TNIK: variants seen among roughly 807,000 people sequenced by gnomAD.
TNIK encodes the protein TRAF2 and NCK-interacting protein kinase.
Under a neutral mutation model 191.3 loss-of-function variants are expected in TNIK, and 49 were observed. The observed-to-expected ratio is 0.26, with a 90% CI of 0.20 to 0.32. TNIK has a LOEUF of 0.32. TNIK is among the 10% of genes least tolerant of loss of function. The probability of loss-of-function intolerance (pLI) is 1.00; values close to 1 mark genes in which losing one functional copy is unlikely to be tolerated. For synonymous variants in TNIK, 594 were observed against 600.9 expected (o/e 0.99, Z 0.17); for missense variants, 1,155 against 1,702.3 (o/e 0.68, Z 5.66).
chr3:171,275,190 A>G (rs1560356902), intron 2 of TNIK, among the ~76,000 whole-genome samples: 1 of 152,220 alleles, frequency 6.6e-6, no homozygotes, highest in African/African-American at 2.4e-5. Flanking sequence ...TCAGAGAAAA[A>G]GCACATTCAG....
At chr3:171,125,223 A>C (rs538668489) in intron 17 of TNIK, among the ~76,000 whole-genome samples, 18 of 152,220 alleles carry the variant, frequency 1.2e-4, no homozygotes, top group Non-Finnish European at 2.2e-4. Flanking sequence ...AGTATTTTGA[A>C]ATACTTCCAG....
rs148233540 is a variant in TNIK at position 171,304,140 on chromosome 3, A to C, written c.123+65480T>G. On this transcript the variant is annotated intron_variant, in intron 2 of 32. Coordinates refer to ENST00000436636, the MANE Select transcript of TNIK (RefSeq NM_015028.4). The stretch of plus-strand genomic sequence containing the variant: ...TACATATGGATGTCTGCAGGGAAAC[A>C]AGGTGGCCACAGTCAGATGAGAGTT... 1.7e-4 allele frequency among the ~76,000 whole-genome samples: 26 copies of C among 152,270 alleles called. No homozygotes were observed. The East Asian group carries it at 3.7e-3, about 21-fold the overall frequency.
At chr3:171,301,293 T>C (rs1265010916) in intron 2 of TNIK, among the ~76,000 whole-genome samples, 2 of 151,320 alleles carry the variant, frequency 1.3e-5, no homozygotes, top group East Asian at 1.9e-4. Flanking sequence ...TGTAGAACAC[T>C]GTATCAAACA....
At chr3:171,446,878 T>C (rs1727562109) in intron 1 of TNIK, among the ~76,000 whole-genome samples, 1 of 152,170 alleles carries the variant, frequency 6.6e-6, no homozygotes, top group Admixed American at 6.5e-5. Flanking sequence ...TGGATAATTT[T>C]CCAGAAAGAA....
chr3:171,214,268 C>T (rs1741198765), intron 3 of TNIK, among the ~76,000 whole-genome samples: 1 of 151,580 alleles, frequency 6.6e-6, no homozygotes, highest in South Asian at 2.1e-4. Flanking sequence ...AGAGTTCAGC[C>T]TCTCACAATA....
intron 2 of TNIK, among the ~76,000 whole-genome samples, chr3:171,256,794 G>A (rs555988609): frequency 6.6e-4 from 101 of 152,210 alleles, no homozygotes; most frequent in Middle Eastern, 3.4e-3. Flanking sequence ...TTTGAGGCCA[G>A]GGATCAAAAT....
chr3:171,420,860 A>G (rs970796406), intron 1 of TNIK, among the ~76,000 whole-genome samples: 1 of 152,230 alleles, frequency 6.6e-6, no homozygotes, highest in African/African-American at 2.4e-5. Context: ...GTGTGGATAC[A>G]CTAGACAAGG....
chr3:171,068,704 G>T, intron 30 of TNIK, 144 bp downstream of exon 30: 1 of 642,478 alleles, frequency 1.6e-6, no homozygotes, highest in Non-Finnish European at 2.3e-6. Flanking sequence ...GTTATTAAAA[G>T]CAGTATACTT....
intron 2 of TNIK, among the ~76,000 whole-genome samples, chr3:171,258,523 C>G (rs751646788): frequency 5.9e-5 from 9 of 152,168 alleles, no homozygotes; most frequent in Non-Finnish European, 8.8e-5. Flanking sequence ...CCAACAGGCT[C>G]TCCTCACAAC....
chr3:171,446,965 C>A (rs1037424280), intron 1 of TNIK, among the ~76,000 whole-genome samples: 1 of 152,058 alleles, frequency 6.6e-6, no homozygotes, highest in Admixed American at 6.5e-5. Context: ...CTGAGGCGGG[C>A]GGATCACCTG....
At chr3:171,267,598 TC>T (rs1381020213) in intron 2 of TNIK, among the ~76,000 whole-genome samples, 2 of 152,216 alleles carry the variant, frequency 1.3e-5, no homozygotes, top group Non-Finnish European at 2.9e-5. Flanking sequence ...TCTTTCTGAT[TC>T]CAGAGACTAA....
chr3:171,132,115 C>T (rs1464235680), intron 15 of TNIK, among the ~76,000 whole-genome samples: 1 of 152,148 alleles, frequency 6.6e-6, no homozygotes, highest in Non-Finnish European at 1.5e-5. Context: ...TCCAAGAAGA[C>T]ATAAAATGCC....
At chr3:171,297,274 C>T (rs1260730197) in intron 2 of TNIK, among the ~76,000 whole-genome samples, 1 of 152,198 alleles carries the variant, frequency 6.6e-6, no homozygotes, top group Non-Finnish European at 1.5e-5. Flanking sequence ...CTTCAAAACA[C>T]AGATGCCATG....
intron 21 of TNIK, chr3:171,106,676 T>TTAAC (rs1186333579): frequency 1.9e-6 from 1 of 533,860 alleles, no homozygotes; most frequent in East Asian, 5.5e-5. Context: ...ATAAAGTCAC[T>TTAAC]TAACTTTCCA....
chr3:171,136,346 G>T (rs867715321), intron 15 of TNIK, among the ~76,000 whole-genome samples: 1 of 152,200 alleles, frequency 6.6e-6, no homozygotes, highest in Non-Finnish European at 1.5e-5. Context: ...GAATCTCTAA[G>T]GCCCTCCTGA....
intron 15 of TNIK, among the ~76,000 whole-genome samples, chr3:171,130,898 G>A (rs1576911037): frequency 6.6e-6 from 1 of 152,116 alleles, no homozygotes; most frequent in East Asian, 1.9e-4. Context: ...TGTACATTAA[G>A]GGACAGCACA....
At position 171,136,621 on chromosome 3, in the gene TNIK, A is replaced by G. The variant is rs114706387; in HGVS notation, c.1608+1570T>C. On this transcript the variant is annotated intron_variant, in intron 15 of 32. Transcript: ENST00000436636. ...GGAATCATTAATTCCTGCAGGTGCT[A>G]CTGACATTAGCTTTGTAGAGGCTAG... Among the ~76,000 whole-genome samples the G allele has an allele frequency of 3.7e-3, 568 of 152,300 alleles. 1 individual carries two copies. The highest frequency in any genetic ancestry group is 6.9e-3 in the Non-Finnish European group (467 of 68,030).
chr3:171,387,320 C>A (rs1398353928), intron 1 of TNIK, among the ~76,000 whole-genome samples: 1 of 152,080 alleles, frequency 6.6e-6, no homozygotes, highest in Non-Finnish European at 1.5e-5. Context: ...TTACTGAATT[C>A]CACTCAGTCA....
chr3:171,252,218 A>G (rs964636669), intron 2 of TNIK, among the ~76,000 whole-genome samples: 9 of 152,174 alleles, frequency 5.9e-5, no homozygotes, highest in African/African-American at 2.2e-4. Flanking sequence ...CATTTTACCT[A>G]TGTTCACCAG....
Sources: gnomAD v4.1 joint callset for allele counts (sites outside exome capture counted in the v4.1 genomes callset) on GRCh38, gnomAD v4.1.1 for gene constraint, MANE v1.5 for transcripts, NCBI Gene and HGNC (gene_info 2026-07-23, HGNC 2026-07-21) for gene names.